Variants in IFNG-AS1 observed in about 807,000 individuals in gnomAD.
The protein encoded by IFNG-AS1 is IFNG antisense RNA 1 (non-protein coding).
chr12:68,001,420 A>C (rs1879766462), intron 2 of IFNG-AS1: 1 of 220,306 alleles, frequency 4.5e-6, no homozygotes, highest in Non-Finnish European at 9.5e-6. Context: ...GTCTTCTCCA[A>C]TGTCTCCTCT....
At chr12:68,001,474 C>G (rs1032290471) in intron 2 of IFNG-AS1, 4 of 256,726 alleles carry the variant, frequency 1.6e-5, no homozygotes, top group Admixed American at 1.5e-4. Flanking sequence ...TCTGATTCCA[C>G]TAGGGAATGG....
intron 2 of IFNG-AS1, among the ~76,000 whole-genome samples, chr12:68,001,081 A>G (rs1179814180): frequency 6.6e-6 from 1 of 152,214 alleles, no homozygotes; most frequent in East Asian, 1.9e-4. Context: ...ACCAGAGCAC[A>G]CACATACACA....
intron 3 of IFNG-AS1, among the ~76,000 whole-genome samples, chr12:68,010,924 T>A (rs190669290): frequency 6.6e-6 from 1 of 152,324 alleles, no homozygotes; most frequent in African/African-American, 2.4e-5. Flanking sequence ...ATAGTTACTC[T>A]TTCTTTAGTT....
intron 3 of IFNG-AS1, among the ~76,000 whole-genome samples, chr12:68,015,343 T>C (rs1880126258): frequency 6.6e-6 from 1 of 152,068 alleles, no homozygotes; most frequent in African/African-American, 2.4e-5. Flanking sequence ...AAGCCACCCC[T>C]AAAGGGTAGA....
chr12:68,000,284 T>A (rs1333115440), intron 2 of IFNG-AS1, among the ~76,000 whole-genome samples: 2 of 152,182 alleles, frequency 1.3e-5, no homozygotes, highest in Admixed American at 1.3e-4. Flanking sequence ...AAAAGGTATT[T>A]AAAAACATTT....
intron 2 of IFNG-AS1, among the ~76,000 whole-genome samples, chr12:68,000,529 A>G (rs1879743625): frequency 6.6e-6 from 1 of 152,058 alleles, no homozygotes; most frequent in Non-Finnish European, 1.5e-5. Context: ...AAAACTAACC[A>G]GGCATCGTGG....
At chr12:67,992,180 G>A (rs1417864463) in intron 1 of IFNG-AS1, among the ~76,000 whole-genome samples, 2 of 152,010 alleles carry the variant, frequency 1.3e-5, no homozygotes, top group African/African-American at 2.4e-5. Flanking sequence ...ATTGTTTTGT[G>A]TCCCTAGATG....
chr12:68,004,874 C>T (rs1182008935), intron 2 of IFNG-AS1, among the ~76,000 whole-genome samples: 1 of 152,200 alleles, frequency 6.6e-6, no homozygotes, highest in South Asian at 2.1e-4. Context: ...ATACTAAAAA[C>T]CTGCCTCTCC....
chr12:67,994,352 G>A (rs1239434291), intron 1 of IFNG-AS1, among the ~76,000 whole-genome samples: 3 of 152,172 alleles, frequency 2.0e-5, no homozygotes, highest in South Asian at 4.2e-4. Flanking sequence ...ATCCGTCAAC[G>A]CATCGTTACA....
chr12:67,989,686 CTG>C (rs1030370968), intron 1 of IFNG-AS1: 30 of 152,156 alleles, frequency 2.0e-4, no homozygotes, highest in African/African-American at 6.3e-4. Flanking sequence ...GGAGAACCAA[CTG>C]TAAGTGGGTG....
intron 3 of IFNG-AS1, among the ~76,000 whole-genome samples, chr12:68,019,641 G>T (rs1880239828): frequency 6.6e-6 from 1 of 152,134 alleles, no homozygotes; most frequent in Non-Finnish European, 1.5e-5. Context: ...TGCCTCTAAT[G>T]TCAACTTGTA....
chr12:67,990,633 G>A (rs996987244), intron 1 of IFNG-AS1, among the ~76,000 whole-genome samples: 9 of 150,420 alleles, frequency 6.0e-5, no homozygotes, highest in Non-Finnish European at 1.3e-4. Context: ...TCGCACTGTC[G>A]ACCGGGCTGG....
chr12:68,017,519 T>C (rs1222079519), intron 3 of IFNG-AS1, among the ~76,000 whole-genome samples: 1 of 151,932 alleles, frequency 6.6e-6, no homozygotes, highest in Admixed American at 6.6e-5. Context: ...ATTGAGAAAA[T>C]TTGGAGATAA....
At chr12:68,012,746 T>TAC (rs1880062937) in intron 3 of IFNG-AS1, among the ~76,000 whole-genome samples, 1 of 152,194 alleles carries the variant, frequency 6.6e-6, no homozygotes, top group Non-Finnish European at 1.5e-5. Context: ...CTCACAGGCA[T>TAC]ACCATAGTTC....
At chr12:67,992,918 C>T (rs900855489) in intron 1 of IFNG-AS1, among the ~76,000 whole-genome samples, 2 of 152,196 alleles carry the variant, frequency 1.3e-5, no homozygotes, top group African/African-American at 4.8e-5. Flanking sequence ...CTTTGGTCCT[C>T]CCACCAGTTG....
At chr12:68,001,372 G>A (rs925989779) in intron 2 of IFNG-AS1, 50 of 197,670 alleles carry the variant, frequency 2.5e-4, no homozygotes, top group Admixed American at 3.7e-4. Context: ...ATGAATCTGA[G>A]TGCCATCTCA....
intron 3 of IFNG-AS1, among the ~76,000 whole-genome samples, chr12:68,015,758 G>A (rs1376633279): frequency 1.3e-5 from 2 of 152,134 alleles, no homozygotes; most frequent in East Asian, 1.9e-4. Context: ...TAAGAACAAA[G>A]CAATAGAAAG....
At chr12:68,003,430 T>G (rs974574973) in intron 2 of IFNG-AS1, among the ~76,000 whole-genome samples, 1 of 151,690 alleles carries the variant, frequency 6.6e-6, no homozygotes. Context: ...CCCCCCTTTT[T>G]TTTTTTTTTT....
intron 2 of IFNG-AS1, among the ~76,000 whole-genome samples, chr12:68,000,712 G>A (rs1484778294): frequency 1.3e-5 from 2 of 151,798 alleles, no homozygotes; most frequent in Non-Finnish European, 2.9e-5. Flanking sequence ...AAATACACAT[G>A]GAAAAACATA....
Sources: gnomAD v4.1 joint callset for allele counts (sites outside exome capture counted in the v4.1 genomes callset) on GRCh38, gnomAD v4.1.1 for gene constraint, MANE v1.5 for transcripts, NCBI Gene and HGNC (gene_info 2026-07-23, HGNC 2026-07-21) for gene names.